The following PRDM2 variants were observed in gnomAD, a reference collection of about 807,000 sequenced individuals.
PRDM2 encodes the protein PR/SET domain 2.
A neutral mutation model predicts 130.0 loss-of-function variants in PRDM2; 30 were observed. The observed-to-expected ratio is 0.23, with a 90% CI of 0.17 to 0.31. PRDM2 has a LOEUF of 0.31. Among genes scored for constraint, PRDM2 ranks in the 10% least tolerant of loss-of-function variants. The pLI, the probability that PRDM2 is intolerant of heterozygous loss-of-function variation, is 1.00. For synonymous variants in PRDM2, 871 were observed against 782.4 expected (o/e 1.11, Z -1.89); for missense variants, 2,011 against 2,108.4 (o/e 0.95, Z 0.90).
intron 8 of PRDM2, chr1:13,787,622 A>G (rs1644767935): frequency 1.0e-6 from 1 of 968,288 alleles, no homozygotes; most frequent in African/African-American, 1.8e-5. Flanking sequence ...TGTATAAAGC[A>G]TTTGTAGCAA....
intron 6 of PRDM2, among the ~76,000 whole-genome samples, chr1:13,754,271 G>C (rs902754495): frequency 6.6e-6 from 1 of 152,172 alleles, no homozygotes; most frequent in South Asian, 2.1e-4. Flanking sequence ...AAGTGGCTGG[G>C]TTGGTTGGTG....
intron 5 of PRDM2, among the ~76,000 whole-genome samples, chr1:13,746,564 A>ATTTT (rs1338474660): frequency 7.5e-6 from 1 of 133,232 alleles, no homozygotes; most frequent in Admixed American, 8.4e-5. Flanking sequence ...TTATTTATTT[A>ATTTT]TTTATTTTTT....
rs771113814 is a variant in PRDM2, at chr1:13,778,783, A to G, written c.988A>G (p.Thr330Ala). 2.5e-6 allele frequency: 4 copies of G among 1,613,650 alleles called. No homozygotes were observed. Among genetic ancestry groups the G allele is most frequent in the African/African-American group, 1.3e-5 (1 of 74,786 alleles). ...LEEPKTTSEE[T>A]LEDCSEVTPA... The stretch of plus-strand genomic sequence containing the variant: ...GGAACCAAAAACAACTTCAGAAGAA[A>G]CTCTTGAAGACTGCTCAGAGGTAAC... The change falls in exon 8 of 10, where the codon ACT becomes GCT. Residue 330 changes from threonine to alanine, a missense_variant. Around this residue, in one of 5 missense-constraint regions of PRDM2, gnomAD observed 1,288 missense variants for 1,237.7 expected, o/e 1.04. Coordinates refer to ENST00000311066, the MANE Select transcript of PRDM2 (RefSeq NM_001393986.1).
intron 8 of PRDM2, among the ~76,000 whole-genome samples, chr1:13,783,410 G>A (rs958967394): frequency 6.6e-6 from 1 of 152,164 alleles, no homozygotes. Context: ...GAACTCAGCC[G>A]TAGGACGGTA....
chr1:13,799,217 G>A (rs1204695667), intron 8 of PRDM2, among the ~76,000 whole-genome samples: 1 of 152,168 alleles, frequency 6.6e-6, no homozygotes, highest in South Asian at 2.1e-4. Flanking sequence ...GCCAAGGCAG[G>A]TGGATCACCT....
At chr1:13,786,514 G>A (rs931346104) in intron 8 of PRDM2, 3 of 1,610,378 alleles carry the variant, frequency 1.9e-6, no homozygotes, top group Non-Finnish European at 2.5e-6. Flanking sequence ...TTATTTTCTA[G>A]GAACTTCCTG....
At chr1:13,776,732 C>G (rs1438752595) in intron 7 of PRDM2, among the ~76,000 whole-genome samples, 1 of 152,200 alleles carries the variant, frequency 6.6e-6, no homozygotes, top group Non-Finnish European at 1.5e-5. Flanking sequence ...GCTGATCATG[C>G]CCTCCTTGAA....
intron 6 of PRDM2, among the ~76,000 whole-genome samples, chr1:13,749,984 CAGAGACAGTG>C (rs1643767441): frequency 6.6e-6 from 1 of 152,154 alleles, no homozygotes; most frequent in African/African-American, 2.4e-5. Flanking sequence ...GTGGGGGAGG[CAGAGACAGTG>C]AGAGACAGAG....
In PRDM2 at chr1:13,749,349, C is replaced by G; in HGVS notation, c.385-12C>G. On this transcript the variant is annotated splice_polypyrimidine_tract_variant and intron_variant, in intron 5 of 9. Transcript: ENST00000311066. ...CTGATTGGCCCGGCGCTTGTCTCTTCTCTCCCCGCAGCCAATCGCGCCGGG... is the reference window on the plus strand; with the variant it reads ...CTGATTGGCCCGGCGCTTGTCTCTTGTCTCCCCGCAGCCAATCGCGCCGGG... 3 of 1,478,028 alleles carry G rather than the reference C, an allele frequency of 2.0e-6. No homozygotes were observed. The highest frequency in any genetic ancestry group is 2.7e-6 in the Non-Finnish European group (3 of 1,099,350). 91.6% of individuals were successfully genotyped at this position (1,478,028 alleles called of 1,614,324 possible).
Position 13,803,532 on chromosome 1 carries a change from C to T in PRDM2, c.5037-12895C>T, listed in dbSNP as rs371472268. 2.6e-5 allele frequency among the ~76,000 whole-genome samples: 4 copies of T among 151,990 alleles called. No individual in the cohort carries two copies. The highest frequency in any genetic ancestry group is 9.7e-5 in the African/African-American group (4 of 41,300). On this transcript the variant is annotated intron_variant, in intron 8 of 9. Coordinates refer to ENST00000311066, the MANE Select transcript of PRDM2 (RefSeq NM_001393986.1). This position sits in a 1 kb window ranked among gnomAD's most constrained non-coding sequence, Gnocchi z 6.2. ...TCCCCAAATAAGCAGTGAGCCTAGT[C>T]CTGTCTCCTCACTGCTCCCAAGAAC... is the stretch of plus-strand genomic sequence containing the variant.
intron 1 of PRDM2, among the ~76,000 whole-genome samples, chr1:13,714,740 G>T (rs577613597): frequency 2.6e-5 from 4 of 152,176 alleles, no homozygotes; most frequent in Non-Finnish European, 5.9e-5. Context: ...AAAGAAATAG[G>T]AGAATTATGC....
At chr1:13,742,234 T>C in intron 5 of PRDM2, 77 bp downstream of exon 5, 1 of 1,469,884 alleles carries the variant, frequency 6.8e-7, no homozygotes, top group Non-Finnish European at 9.4e-7. Flanking sequence ...ACGGTCTCAT[T>C]CTGTCTCTCA....
intron 6 of PRDM2, among the ~76,000 whole-genome samples, chr1:13,752,828 A>T (rs1420458623): frequency 1.3e-5 from 2 of 152,162 alleles, no homozygotes; most frequent in East Asian, 3.9e-4. Flanking sequence ...CCTTTCTGAG[A>T]TGAAGTTTCC....
chr1:13,781,963 G>C lies in PRDM2; in HGVS notation c.4168G>C (p.Gly1390Arg). 1 of 1,614,156 alleles carries C rather than the reference G, an allele frequency of 6.2e-7. No homozygotes were observed. Among genetic ancestry groups the C allele is most frequent in the South Asian group, 1.1e-5 (1 of 91,082 alleles). ...KNGVVVLDNS[G>R]KNAFRRMGQP... ...TGGCGTGGTGGTTTTAGATAACTCT[G>C]GGAAAAATGCCTTCCGACGAATGGG... is the stretch of plus-strand genomic sequence containing the variant. The change falls in exon 8 of 10, where the codon GGG becomes CGG. Residue 1390 changes from glycine to arginine, a missense_variant. Physicochemically the swap from Gly to Arg is moderately radical, Grantham distance 125. Coordinates refer to ENST00000311066, the MANE Select transcript of PRDM2 (RefSeq NM_001393986.1). The surrounding 1 kb of genome is among the most constrained non-coding windows in gnomAD (Gnocchi z 6.1).
chr1:13,723,296 C>T (rs535501725), intron 2 of PRDM2, among the ~76,000 whole-genome samples: 2 of 152,198 alleles, frequency 1.3e-5, no homozygotes, highest in Non-Finnish European at 2.9e-5. Context: ...GTCACTGAGA[C>T]GTTGAACACC....
chr1:13,793,366 C>G (rs1644872212), intron 8 of PRDM2, among the ~76,000 whole-genome samples: 1 of 152,210 alleles, frequency 6.6e-6, no homozygotes. Flanking sequence ...CAAGTCCTCA[C>G]AAAAACAGAC....
intron 6 of PRDM2, among the ~76,000 whole-genome samples, chr1:13,749,700 C>T (rs1235995277): frequency 6.6e-6 from 1 of 151,744 alleles, no homozygotes; most frequent in Non-Finnish European, 1.5e-5. Context: ...TCGCTGCCCT[C>T]CCGCCCTGCC....
rs945610580 is a variant in PRDM2 at position 13,787,994 on chromosome 1, G to A, written c.5036+5163G>A. On this transcript the variant is annotated intron_variant, in intron 8 of 9. Transcript: ENST00000311066. ...GATGTATTAAAAAAAGATTTGTTGT[G>A]CTATTGCTGCAAACACTTAATAACT... is the stretch of plus-strand genomic sequence containing the variant. 14 of 984,878 alleles carry A rather than the reference G, an allele frequency of 1.4e-5. No individual in the cohort carries two copies. The African/African-American group carries it at 2.3e-4, about 16-fold the overall frequency. 61.0% of individuals were successfully genotyped at this position (984,878 alleles called of 1,614,324 possible). A position where few individuals can be genotyped will look rare whatever the true frequency, so the allele number is the denominator to read the frequency against.
Position 13,781,576 on chromosome 1 carries a change from G to A in PRDM2, c.3781G>A (p.Glu1261Lys), listed in dbSNP as rs1200026937. The change falls in exon 8 of 10, where the codon GAG becomes AAG. Residue 1261 changes from glutamate to lysine, a missense_variant. Around this residue, in one of 5 missense-constraint regions of PRDM2, gnomAD observed 229 missense variants for 364.1 expected, o/e 0.63. Coordinates refer to ENST00000311066, the MANE Select transcript of PRDM2 (RefSeq NM_001393986.1). The surrounding 1 kb of genome is among the most constrained non-coding windows in gnomAD (Gnocchi z 6.1). ...TTTAGAAACTTCTAAAGAAGAAGAG[G>A]AGTTAAATGATTCCTCTGAAGAGCT... The part of the protein sequence containing the change: ...DPLETSKEEE[E>K]LNDSSEELYT... 6 of 1,612,434 alleles carry A rather than the reference G, an allele frequency of 3.7e-6. No homozygotes were observed. The highest frequency in any genetic ancestry group is 5.1e-6 in the Non-Finnish European group (6 of 1,179,888).
Sources: gnomAD v4.1 joint callset for allele counts (sites outside exome capture counted in the v4.1 genomes callset) on GRCh38, gnomAD v4.1.1 for gene constraint, gnomAD v4.1.1 regional missense constraint, Gnocchi (gnomAD v3.1) non-coding constraint, MANE v1.5 for transcripts, NCBI Gene and HGNC (gene_info 2026-07-23, HGNC 2026-07-21) for gene names.